ERP44: variants seen among roughly 807,000 people sequenced by gnomAD.
ERP44 encodes endoplasmic reticulum protein 44, also known as endoplasmic reticulum resident protein 44.
ERP44 carries 25 observed loss-of-function variants against 53.4 expected under a neutral mutation model. That is an observed-to-expected ratio of 0.47 (90% CI 0.34 to 0.65). The LOEUF (loss-of-function observed/expected upper bound fraction) is 0.65, where lower values mean the gene tolerates loss of function less well. ERP44 is among the 30% of genes least tolerant of loss of function. ERP44 has a pLI of 0.01. For synonymous variants in ERP44, 145 were observed against 161.2 expected, an observed-to-expected ratio of 0.90 and a Z score of 0.76; for missense variants, 338 against 493.2, an observed-to-expected ratio of 0.69 and a Z score of 2.98.
chr9:99,991,760 G>C (rs1162106934), intron 10 of ERP44, among the ~76,000 whole-genome samples: 4 of 152,086 alleles, frequency 2.6e-5, no homozygotes, highest in East Asian at 1.9e-4. Flanking sequence ...AAAATTGATA[G>C]ACTGCTAGCA....
intron 1 of ERP44, among the ~76,000 whole-genome samples, chr9:100,068,240 T>C (rs551946050): frequency 7.4e-6 from 1 of 136,004 alleles, no homozygotes. Flanking sequence ...AGCCGCCCCG[T>C]ACGGAAGGTG....
At chr9:100,039,604 C>A (rs1825881497) in intron 4 of ERP44, among the ~76,000 whole-genome samples, 1 of 151,676 alleles carries the variant, frequency 6.6e-6, no homozygotes, top group South Asian at 2.1e-4. Flanking sequence ...CTAATGATAC[C>A]TCTTAAAGAA....
chr9:100,047,727 T>TA (rs1403085393), intron 4 of ERP44, among the ~76,000 whole-genome samples: 1 of 152,122 alleles, frequency 6.6e-6, no homozygotes, highest in Non-Finnish European at 1.5e-5. Flanking sequence ...TAAAAATACA[T>TA]AAGATAGACC....
At chr9:100,066,062 A>G (rs1207788788) in intron 1 of ERP44, among the ~76,000 whole-genome samples, 1 of 152,228 alleles carries the variant, frequency 6.6e-6, no homozygotes, top group Non-Finnish European at 1.5e-5. Context: ...AGACCCACTG[A>G]ATGAGAAGCT....
chr9:100,074,720 A>G (rs1379450952), intron 1 of ERP44, among the ~76,000 whole-genome samples: 1 of 152,218 alleles, frequency 6.6e-6, no homozygotes, highest in East Asian at 1.9e-4. Context: ...GGAAATAATC[A>G]GACATTTTGG....
intron 1 of ERP44, among the ~76,000 whole-genome samples, chr9:100,069,252 AT>A (rs1564102756): frequency 6.6e-6 from 1 of 151,560 alleles, no homozygotes; most frequent in Non-Finnish European, 1.5e-5. Context: ...ACCCTGCCAA[AT>A]CCCCCTCTGC....
At chr9:100,078,157 T>G (rs939790334) in intron 1 of ERP44, among the ~76,000 whole-genome samples, 12 of 152,354 alleles carry the variant, frequency 7.9e-5, no homozygotes, top group Admixed American at 3.9e-4. Context: ...TATACACTTG[T>G]ACTAAGAAAA....
chr9:100,066,610 A>C (rs77745096), intron 1 of ERP44, among the ~76,000 whole-genome samples: 6,594 of 152,340 alleles, frequency 0.043, 238 homozygotes, highest in Middle Eastern at 0.14. Flanking sequence ...ACCAGGCAAC[A>C]GTTATCTTCC....
chr9:100,083,624 G>A (rs970439148), intron 1 of ERP44, among the ~76,000 whole-genome samples: 1 of 152,122 alleles, frequency 6.6e-6, no homozygotes, highest in Admixed American at 6.5e-5. Context: ...TCCAGTCAAT[G>A]GGAAAATAGC....
chr9:100,072,213 A>G (rs1042587722), intron 1 of ERP44, among the ~76,000 whole-genome samples: 1 of 152,160 alleles, frequency 6.6e-6, no homozygotes, highest in African/African-American at 2.4e-5. Context: ...CTTCATTACT[A>G]CCACATAGTA....
chr9:100,080,122 T>G (rs561726682), intron 1 of ERP44, among the ~76,000 whole-genome samples: 1 of 152,264 alleles, frequency 6.6e-6, no homozygotes, highest in South Asian at 2.1e-4. Context: ...TATTCAGAAT[T>G]ACAAAGATGA....
Position 99,979,994 on chromosome 9 carries a change from A to C in ERP44, c.*2618T>G. 2 of 398,504 alleles carry C rather than the reference A, an allele frequency of 5.0e-6. No individual in the cohort carries two copies. The highest frequency in any genetic ancestry group is 8.8e-6 in the Non-Finnish European group (2 of 226,028). The allele number at this position is 398,504 out of a possible 1,614,324, so 24.7% of individuals were successfully genotyped here. A position where few individuals can be genotyped will look rare whatever the true frequency, so the allele number is the denominator to read the frequency against. The stretch of plus-strand genomic sequence containing the variant: ...TTCTTTTTCTAGCTTCCCCAACCCC[A>C]AATGCCTTACTAAAAGAACTTTTTT... On this transcript the variant is annotated 3_prime_UTR_variant, in exon 12 of 12. Transcript: ENST00000262455.
chr9:100,095,618 T>A (rs1190480851), intron 1 of ERP44, among the ~76,000 whole-genome samples: 4 of 152,134 alleles, frequency 2.6e-5, no homozygotes, highest in East Asian at 1.9e-4. Context: ...AATTTTTTTT[T>A]AAAACTAATT....
At chr9:100,072,174 C>T (rs184421503) in intron 1 of ERP44, among the ~76,000 whole-genome samples, 65 of 152,244 alleles carry the variant, frequency 4.3e-4, no homozygotes, top group African/African-American at 1.4e-3. Context: ...TCAAAGCTTT[C>T]TTATATATTA....
At chr9:100,019,233 G>C (rs1367801561) in intron 6 of ERP44, among the ~76,000 whole-genome samples, 1 of 152,138 alleles carries the variant, frequency 6.6e-6, no homozygotes, top group East Asian at 1.9e-4. Flanking sequence ...TCTGCTGCAG[G>C]ACTGTGCTTG....
chr9:100,086,415 CAG>C (rs1347665326), intron 1 of ERP44, among the ~76,000 whole-genome samples: 1 of 152,212 alleles, frequency 6.6e-6, no homozygotes, highest in Non-Finnish European at 1.5e-5. Flanking sequence ...TTACTCATTT[CAG>C]AGAGTCAAAA....
intron 3 of ERP44, among the ~76,000 whole-genome samples, chr9:100,053,056 A>G (rs1826054590): frequency 6.6e-6 from 1 of 152,128 alleles, no homozygotes. Context: ...ATTTTAGACT[A>G]TTGTGTAAAA....
chr9:100,052,446 A>C lies in ERP44; in HGVS notation c.257T>G (p.Val86Gly). ...KEEFPNENQV[V>G]FARVDCDQHS... is the part of the protein sequence containing the mutation. ...CTGATCACAATCAACTCTGGCAAAC[A>C]CTACTTGATTTTCATTTGGAAATTC... Residue 86 changes from valine (V) to glycine (G), a missense_variant, in exon 4 of 12, where the codon GTG (valine) becomes GGG (glycine). Transcript: ENST00000262455. 1 of 1,611,914 alleles carries C rather than the reference A, an allele frequency of 6.2e-7. No homozygotes were observed. Among genetic ancestry groups the C allele is most frequent in the Non-Finnish European group, 8.5e-7 (1 of 1,178,726 alleles).
At chr9:100,070,369 T>G (rs536882134) in intron 1 of ERP44, among the ~76,000 whole-genome samples, 1 of 152,218 alleles carries the variant, frequency 6.6e-6, no homozygotes, top group African/African-American at 2.4e-5. Context: ...ACATTAAAAA[T>G]AAAAGAGAGA....
Sources: gnomAD v4.1 joint callset for allele counts (sites outside exome capture counted in the v4.1 genomes callset) on GRCh38, gnomAD v4.1.1 for gene constraint, MANE v1.5 for transcripts, NCBI Gene and HGNC (gene_info 2026-07-23, HGNC 2026-07-21) for gene names.